The following ANK3 variants were observed in gnomAD, a reference collection of about 807,000 sequenced individuals.
ANK3 encodes ankyrin-3.
In ANK3, 57 loss-of-function variants were observed where a neutral mutation model predicts 370.9. The observed-to-expected ratio is 0.15, with a 90% CI of 0.12 to 0.19. ANK3 has a LOEUF of 0.19. ANK3 is among the 10% of genes least tolerant of loss of function. ANK3 has a pLI of 1.00. For synonymous variants in ANK3, 1,929 were observed against 1,946.3 expected (o/e 0.99, Z 0.23); for missense variants, 4,439 against 5,302.1 (o/e 0.84, Z 5.06).
intron 2 of ANK3, 47 bp downstream of exon 2, chr10:60,279,491 G>C: frequency 6.8e-7 from 1 of 1,476,814 alleles, no homozygotes; most frequent in Non-Finnish European, 9.3e-7. Flanking sequence ...TTGAAGTCTG[G>C]ATTTTTAGAA....
chr10:60,645,245 T>C (rs1167834113), intron 1 of ANK3, among the ~76,000 whole-genome samples: 1 of 152,172 alleles, frequency 6.6e-6, no homozygotes, highest in African/African-American at 2.4e-5. Context: ...AATAAAAATG[T>C]GCAAACATTC....
chr10:60,268,674 G>A (rs1007255032), intron 5 of ANK3, among the ~76,000 whole-genome samples: 9 of 151,662 alleles, frequency 5.9e-5, no homozygotes, highest in Admixed American at 2.0e-4. Flanking sequence ...TAACTTTTTA[G>A]AAGTGCAGCT....
chr10:60,386,384 G>C (rs2062323214), intron 1 of ANK3, among the ~76,000 whole-genome samples: 4 of 151,216 alleles, frequency 2.6e-5, no homozygotes, highest in Admixed American at 1.3e-4. Flanking sequence ...AGACAAATTA[G>C]TAATAAAAAA....
Position 60,075,410 on chromosome 10 carries a change from A to G in ANK3, c.5471T>C (p.Val1824Ala), listed in dbSNP as rs1183976655. Reference protein sequence around the residue: ...SVTSSIITVPVYSVVNVLPEP... With the variant: ...SVTSSIITVPAYSVVNVLPEP... ...TGGCAAAACATTGACTACAGAGTAT[A>G]CTGGCACTGTTATAATTGATGAAGT... The change falls in exon 37 of 44, where the codon GTA becomes GCA. Residue 1824 changes from valine (V) to alanine (A), a missense_variant. Physicochemically the swap from Val to Ala is moderately conservative, Grantham distance 64. Coordinates refer to ENST00000280772, the MANE Select transcript of ANK3 (RefSeq NM_020987.5). 2.5e-6 allele frequency: 4 copies of G among 1,613,630 alleles called. No individual in the cohort carries two copies. Among genetic ancestry groups the G allele is most frequent in the African/African-American group, 1.3e-5 (1 of 74,932 alleles).
At chr10:60,370,910 C>T (rs993288217) in intron 1 of ANK3, among the ~76,000 whole-genome samples, 3 of 152,036 alleles carry the variant, frequency 2.0e-5, no homozygotes, top group Non-Finnish European at 2.9e-5. Flanking sequence ...TAGGGGAAAT[C>T]GGGAGGAAAG....
At chr10:60,647,538 A>AC (rs2078724868) in intron 1 of ANK3, among the ~76,000 whole-genome samples, 1 of 152,138 alleles carries the variant, frequency 6.6e-6, no homozygotes, top group Non-Finnish European at 1.5e-5. Flanking sequence ...ACACAATATA[A>AC]ATACTTAGAT....
chr10:60,556,409 A>G (rs12776862), intron 2 of ANK3, among the ~76,000 whole-genome samples: 1 of 152,164 alleles, frequency 6.6e-6, no homozygotes, highest in Non-Finnish European at 1.5e-5. Context: ...CAGTTTTGCC[A>G]CTGTTCAAAG....
chr10:60,172,860 A>G, intron 20 of ANK3, 40 bp downstream of exon 20: 2 of 1,379,452 alleles, frequency 1.4e-6, no homozygotes, highest in East Asian at 4.6e-5. Flanking sequence ...AGGCCCATCT[A>G]TCTCCTCCCT....
chr10:60,395,077 T>C (rs745995119), intron 2 of ANK3, among the ~76,000 whole-genome samples: 2 of 152,294 alleles, frequency 1.3e-5, no homozygotes, highest in African/African-American at 2.4e-5. Context: ...TGATATTCAA[T>C]TCAGATACTA....
chr10:60,310,178 G>T (rs1485036088), intron 1 of ANK3, among the ~76,000 whole-genome samples: 1 of 151,972 alleles, frequency 6.6e-6, no homozygotes, highest in Admixed American at 6.6e-5. Context: ...TCCTGCCTCG[G>T]CCTCCCAGAG....
chr10:60,231,875 G>C (rs1291115151), intron 8 of ANK3, among the ~76,000 whole-genome samples: 2 of 152,108 alleles, frequency 1.3e-5, no homozygotes, highest in Admixed American at 1.3e-4. Context: ...CATAATACAG[G>C]AGGAATGTAA....
chr10:60,626,313 T>G (rs1026379662), intron 1 of ANK3, among the ~76,000 whole-genome samples: 31 of 152,200 alleles, frequency 2.0e-4, no homozygotes, highest in Non-Finnish European at 5.9e-5. Flanking sequence ...TGTGATAATA[T>G]ATTTGCTTCT....
At chr10:60,266,857 G>C (rs2097888397) in intron 5 of ANK3, among the ~76,000 whole-genome samples, 2 of 152,166 alleles carry the variant, frequency 1.3e-5, no homozygotes, top group Non-Finnish European at 2.9e-5. Flanking sequence ...TCCCCTGGTT[G>C]CTCAAGGATA....
chr10:60,434,812 A>G (rs552537501), intron 2 of ANK3, among the ~76,000 whole-genome samples: 2 of 152,194 alleles, frequency 1.3e-5, no homozygotes, highest in African/African-American at 4.8e-5. Context: ...ACACTTTAGA[A>G]TTTTTCAGAG....
chr10:60,585,302 T>C (rs1314690732), intron 2 of ANK3, among the ~76,000 whole-genome samples: 1 of 152,186 alleles, frequency 6.6e-6, no homozygotes, highest in Admixed American at 6.5e-5. Context: ...GTAAGTTTTA[T>C]GTATATTGGT....
intron 2 of ANK3, chr10:60,508,276 T>C (rs2075990369): frequency 6.6e-6 from 1 of 152,466 alleles, no homozygotes; most frequent in Admixed American, 6.6e-5. Context: ...TTTCAGGCTT[T>C]TGGTAAAAAT....
At chr10:60,541,891 T>C (rs1002118588) in intron 2 of ANK3, among the ~76,000 whole-genome samples, 2 of 151,922 alleles carry the variant, frequency 1.3e-5, no homozygotes, top group African/African-American at 4.8e-5. Flanking sequence ...GCTTTATTTG[T>C]GATGATCCTT....
intron 17 of ANK3, among the ~76,000 whole-genome samples, chr10:60,182,627 G>A (rs575184338): frequency 6.6e-6 from 1 of 152,318 alleles, no homozygotes; most frequent in African/African-American, 2.4e-5. Context: ...CTATTTGTCA[G>A]AGGAAAGGAG....
Position 60,073,293 on chromosome 10 carries a change from C to A in ANK3, c.7588G>T (p.Val2530Leu). ...KDVSENGVGK[V>L]SKDEHFDKVT... ...TTATCAAAATGCTCATCTTTAGACA[C>A]TTTACCTACACCATTTTCAGAAACA... Residue 2530 changes from valine to leucine, a missense_variant, in exon 37 of 44, where the codon GTG becomes TTG. By Grantham distance (32) the Val-to-Leu change is conservative. Around this residue, in one of 13 missense-constraint regions of ANK3, gnomAD observed 1,601 missense variants for 1,731.7 expected, o/e 0.92. Coordinates refer to ENST00000280772, the MANE Select transcript of ANK3 (RefSeq NM_020987.5). 6.2e-7 allele frequency: 1 copy of A among 1,614,080 alleles called. No individual in the cohort carries two copies. The highest frequency in any genetic ancestry group is 8.5e-7 in the Non-Finnish European group (1 of 1,180,002).
Sources: gnomAD v4.1 joint callset for allele counts (sites outside exome capture counted in the v4.1 genomes callset) on GRCh38, gnomAD v4.1.1 for gene constraint, gnomAD v4.1.1 regional missense constraint, MANE v1.5 for transcripts, NCBI Gene and HGNC (gene_info 2026-07-23, HGNC 2026-07-21) for gene names.